Variants in DIAPH3 observed in about 807,000 individuals in gnomAD.
DIAPH3 encodes the protein protein diaphanous homolog 3.
DIAPH3 carries 117 observed loss-of-function variants against 144.3 expected under a neutral mutation model. The ratio of observed to expected loss-of-function variants is 0.81; its 90% CI spans 0.70 to 0.95. DIAPH3 has a LOEUF of 0.95. Ranked by LOEUF, DIAPH3 falls within the 40% of genes least tolerant of loss-of-function variation. The pLI, the probability that DIAPH3 is intolerant of heterozygous loss-of-function variation, is 0.00. For missense variants in DIAPH3, 1,421 were observed against 1,412.7 expected, an observed-to-expected ratio of 1.01 and a Z score of -0.09; for synonymous variants, 519 against 488.9, an observed-to-expected ratio of 1.06 and a Z score of -0.81.
chr13:59,964,513 A>T (rs149015974), intron 17 of DIAPH3, among the ~76,000 whole-genome samples: 64 of 152,164 alleles, frequency 4.2e-4, no homozygotes, highest in African/African-American at 1.5e-3. Context: ...ATAAATTTCT[A>T]CCACACTATA....
intron 3 of DIAPH3, among the ~76,000 whole-genome samples, chr13:60,098,857 T>C (rs563093281): frequency 1.4e-4 from 22 of 152,226 alleles, no homozygotes; most frequent in African/African-American, 5.1e-4. Context: ...ATATCTATTA[T>C]AGGTAAAATA....
At chr13:59,946,854 A>C (rs1385885476) in intron 17 of DIAPH3, among the ~76,000 whole-genome samples, 1 of 152,206 alleles carries the variant, frequency 6.6e-6, no homozygotes, top group Non-Finnish European at 1.5e-5. Flanking sequence ...TGGTACGATA[A>C]GGGAAAAAAA....
intron 25 of DIAPH3, among the ~76,000 whole-genome samples, chr13:59,795,100 C>A (rs2039522964): frequency 6.6e-6 from 1 of 152,144 alleles, no homozygotes; most frequent in African/African-American, 2.4e-5. Flanking sequence ...TCAAATATTG[C>A]CTTTAAATTT....
chr13:59,994,120 T>C (rs554192973), intron 9 of DIAPH3, among the ~76,000 whole-genome samples: 3 of 151,998 alleles, frequency 2.0e-5, no homozygotes, highest in African/African-American at 7.2e-5. Flanking sequence ...AAAAAGGTGA[T>C]TCTCCATAGA....
chr13:60,148,086 A>G (rs1467067386), intron 1 of DIAPH3, among the ~76,000 whole-genome samples: 1 of 152,220 alleles, frequency 6.6e-6, no homozygotes, highest in Non-Finnish European at 1.5e-5. Flanking sequence ...TGCATATGGA[A>G]GTTAAAGATC....
chr13:59,855,262 C>A (rs1337582310), intron 22 of DIAPH3, among the ~76,000 whole-genome samples: 2 of 152,144 alleles, frequency 1.3e-5, no homozygotes, highest in South Asian at 2.1e-4. Context: ...CTATACCACA[C>A]TTGCAATACA....
chr13:59,974,597 T>C (rs1328382796), intron 14 of DIAPH3, 141 bp from the exon 15 acceptor site: 13 of 795,490 alleles, frequency 1.6e-5, no homozygotes, highest in Non-Finnish European at 2.4e-5. Context: ...GATAGAGTTT[T>C]GAAAAGTCAC....
At chr13:59,994,558 A>G (rs1193711799) in intron 9 of DIAPH3, among the ~76,000 whole-genome samples, 1 of 151,926 alleles carries the variant, frequency 6.6e-6, no homozygotes, top group African/African-American at 2.4e-5. Context: ...AAAATATACT[A>G]TATACTGTAA....
chr13:59,809,119 T>C (rs542484002), intron 25 of DIAPH3, among the ~76,000 whole-genome samples: 1 of 152,278 alleles, frequency 6.6e-6, no homozygotes, highest in African/African-American at 2.4e-5. Context: ...AGACACTCTG[T>C]GTGATCAGAC....
intron 23 of DIAPH3, chr13:59,838,359 C>T (rs1331207493): frequency 6.6e-6 from 1 of 151,782 alleles, no homozygotes; most frequent in Admixed American, 6.6e-5. Context: ...CAAAAGAAAC[C>T]TTAAACAGGA....
At chr13:59,721,620 T>A (rs1469557419) in intron 27 of DIAPH3, among the ~76,000 whole-genome samples, 6 of 152,204 alleles carry the variant, frequency 3.9e-5, no homozygotes, top group Non-Finnish European at 1.5e-5. Context: ...TATAAATATT[T>A]GTGGATTGTC....
intron 24 of DIAPH3, among the ~76,000 whole-genome samples, chr13:59,830,795 G>C (rs1335649801): frequency 2.0e-5 from 3 of 151,832 alleles, no homozygotes; most frequent in Non-Finnish European, 4.4e-5. Context: ...ACAATAATTT[G>C]GTTTGTAAAT....
chr13:60,055,662 G>GAA (rs551731590), intron 4 of DIAPH3, among the ~76,000 whole-genome samples: 82 of 151,826 alleles, frequency 5.4e-4, no homozygotes, highest in African/African-American at 1.9e-3. Context: ...TCATATCCTA[G>GAA]AAAGCATGTG....
intron 24 of DIAPH3, among the ~76,000 whole-genome samples, chr13:59,816,084 A>T (rs1193181780): frequency 6.6e-6 from 1 of 152,108 alleles, no homozygotes; most frequent in Non-Finnish European, 1.5e-5. Context: ...TTTTTTTCCC[A>T]TTAGACTCAA....
In DIAPH3 at chr13:59,991,389, T is replaced by G. The variant is rs190906196; in HGVS notation, c.1245-115A>C. 2.3e-4 allele frequency: 174 copies of G among 765,370 alleles called. 2 individuals carry two copies. In the East Asian group the frequency reaches 4.2e-3, roughly 18 times the overall value. The allele number at this position is 765,370 out of a possible 1,614,324, so 47.4% of individuals were successfully genotyped here. Reference sequence around the variant, plus strand: ...AACTGTAATACAGGCATCTTATATATTCAACATAAAATACAGATATTTAGG... The same window carrying G: ...AACTGTAATACAGGCATCTTATATAGTCAACATAAAATACAGATATTTAGG... On this transcript the variant is annotated intron_variant, in intron 11 of 27. Coordinates refer to ENST00000400324, the MANE Select transcript of DIAPH3 (RefSeq NM_001042517.2).
intron 1 of DIAPH3, among the ~76,000 whole-genome samples, chr13:60,155,620 G>A (rs942115224): frequency 2.0e-5 from 3 of 152,128 alleles, no homozygotes; most frequent in South Asian, 2.1e-4. Context: ...ATTCTGACAC[G>A]AATAAAATTT....
intron 24 of DIAPH3, among the ~76,000 whole-genome samples, chr13:59,811,601 GT>G (rs2139562671): frequency 6.6e-6 from 1 of 151,966 alleles, no homozygotes; most frequent in South Asian, 2.1e-4. Context: ...GCTGGGTGTG[GT>G]GGCGGGTGCC....
intron 25 of DIAPH3, among the ~76,000 whole-genome samples, chr13:59,782,489 T>C (rs1470106314): frequency 2.6e-5 from 4 of 152,108 alleles, no homozygotes; most frequent in Non-Finnish European, 4.4e-5. Context: ...AGGGAGAAGA[T>C]ATTTTATCAT....
rs369795410 is a variant in DIAPH3, at chr13:60,127,218, C to A, written c.213+5739G>T. 1.8e-4 allele frequency among the ~76,000 whole-genome samples: 28 copies of A among 151,700 alleles called. No homozygotes were observed. In the South Asian group the frequency reaches 5.4e-3, roughly 29 times the overall value. On this transcript the variant is annotated intron_variant, in intron 2 of 27. Transcript: ENST00000400324. Reference sequence around the variant, plus strand: ...GAAAATATCACAAACAACTTTATACCCATAAATTCAACAACATAGATAAAA... The same window carrying A: ...GAAAATATCACAAACAACTTTATACACATAAATTCAACAACATAGATAAAA...
Sources: allele counts gnomAD v4.1 joint callset (sites outside exome capture counted in the v4.1 genomes callset), GRCh38; gene constraint gnomAD v4.1.1; transcripts MANE v1.5; gene names NCBI Gene and HGNC (gene_info 2026-07-23, HGNC 2026-07-21).